The following OSBPL8 variants were observed in gnomAD, a reference collection of about 807,000 sequenced individuals.
OSBPL8 encodes oxysterol binding protein like 8, also known as oxysterol-binding protein-related protein 8.
In OSBPL8, 59 loss-of-function variants were observed where a neutral mutation model predicts 125.5. The ratio of observed to expected loss-of-function variants is 0.47; its 90% CI spans 0.38 to 0.58. The LOEUF (loss-of-function observed/expected upper bound fraction) is 0.58, where lower values mean the gene tolerates loss of function less well. Ranked by LOEUF, OSBPL8 falls within the 20% of genes least tolerant of loss-of-function variation. The probability of loss-of-function intolerance (pLI) is 0.00; values close to 1 mark genes in which losing one functional copy is unlikely to be tolerated. For synonymous variants in OSBPL8, 330 were observed against 338.9 expected (o/e 0.97, Z 0.29); for missense variants, 758 against 1,047.8 (o/e 0.72, Z 3.82).
intron 12 of OSBPL8, among the ~76,000 whole-genome samples, chr12:76,388,701 A>G (rs1953427358): frequency 6.6e-6 from 1 of 152,180 alleles, no homozygotes; most frequent in African/African-American, 2.4e-5. Flanking sequence ...CCAACTGCCC[A>G]GTAATTTCTT....
At chr12:76,490,221 A>G (rs1287414803) in intron 1 of OSBPL8, among the ~76,000 whole-genome samples, 1 of 152,240 alleles carries the variant, frequency 6.6e-6, no homozygotes, top group Non-Finnish European at 1.5e-5. Flanking sequence ...GACAGGGGAC[A>G]GAGAAATTCT....
rs527336839 is a variant in OSBPL8, at chr12:76,452,104, C to T, written c.80-1116G>A. On this transcript the variant is annotated intron_variant, in intron 3 of 23. Transcript: ENST00000261183. The stretch of plus-strand genomic sequence containing the variant: ...TGCACTCCAGCCTGGGCAACAAGAG[C>T]GAAACTCCACCTCAAAAAAAAAAGA... Among the ~76,000 whole-genome samples, 26 of 151,686 alleles carry T rather than the reference C, an allele frequency of 1.7e-4. No homozygotes were observed. The South Asian group carries it at 4.8e-3, about 28-fold the overall frequency.
At chr12:76,468,207 AT>A (rs1875694806) in intron 2 of OSBPL8, among the ~76,000 whole-genome samples, 1 of 152,058 alleles carries the variant, frequency 6.6e-6, no homozygotes, top group Admixed American at 6.5e-5. Flanking sequence ...CTCTGGCCTC[AT>A]TTCTCCTCCA....
At chr12:76,486,941 T>C (rs1310944275) in intron 2 of OSBPL8, among the ~76,000 whole-genome samples, 1 of 150,494 alleles carries the variant, frequency 6.6e-6, no homozygotes, top group Admixed American at 6.7e-5. Context: ...GAAGGATAGA[T>C]AAAATAAGAG....
chr12:76,364,106 A>G (rs1384634161), intron 21 of OSBPL8, among the ~76,000 whole-genome samples: 1 of 152,184 alleles, frequency 6.6e-6, no homozygotes, highest in Non-Finnish European at 1.5e-5. Flanking sequence ...TTCCTCAAGG[A>G]TCTAGAACTG....
At chr12:76,436,193 C>T (rs921931874) in intron 4 of OSBPL8, among the ~76,000 whole-genome samples, 1 of 152,028 alleles carries the variant, frequency 6.6e-6, no homozygotes, top group African/African-American at 2.4e-5. Flanking sequence ...ACTTACCCAC[C>T]AGAGACTCTA....
rs139665394 is a variant in OSBPL8 at position 76,427,076 on chromosome 12, T to C, written c.218-16442A>G. ...GAATGGTGGTAAAATAAATGTGGTT[T>C]AGCCAAAGATGTACCATAGTTACAC... On this transcript the variant is annotated intron_variant, in intron 4 of 23. Transcript: ENST00000261183. Among the ~76,000 whole-genome samples, 73 of 152,292 alleles carry C rather than the reference T, an allele frequency of 4.8e-4. 1 individual carries two copies. The highest frequency in any genetic ancestry group is 1.6e-3 in the African/African-American group (68 of 41,580).
At chr12:76,466,685 G>A (rs1464039043) in intron 2 of OSBPL8, among the ~76,000 whole-genome samples, 4 of 152,076 alleles carry the variant, frequency 2.6e-5, no homozygotes, top group African/African-American at 7.2e-5. Context: ...CAGGCTGGGC[G>A]CGGTGGCTCA....
At chr12:76,386,019 A>G in intron 14 of OSBPL8, 149 bp downstream of exon 14, 1 of 1,073,660 alleles carries the variant, frequency 9.3e-7, no homozygotes, top group Middle Eastern at 3.2e-4. Flanking sequence ...GTACTTTAGT[A>G]GTATTTAATA....
At chr12:76,372,644 T>C (rs2136203483) in intron 18 of OSBPL8, among the ~76,000 whole-genome samples, 1 of 152,318 alleles carries the variant, frequency 6.6e-6, no homozygotes, top group East Asian at 1.9e-4. Flanking sequence ...GCTTACTGCA[T>C]GCAGAAAGGA....
At chr12:76,545,666 G>A (rs950580460) in intron 1 of OSBPL8, among the ~76,000 whole-genome samples, 1 of 152,140 alleles carries the variant, frequency 6.6e-6, no homozygotes, top group Non-Finnish European at 1.5e-5. Flanking sequence ...ATGCTTCTGG[G>A]TTTTGAATTC....
chr12:76,455,603 C>T (rs186857480), intron 3 of OSBPL8, among the ~76,000 whole-genome samples: 1 of 152,238 alleles, frequency 6.6e-6, no homozygotes, highest in East Asian at 1.9e-4. Context: ...GCAGAAACAG[C>T]AGTATACAGA....
chr12:76,505,272 C>T (rs17042322), intron 1 of OSBPL8, among the ~76,000 whole-genome samples: 6,638 of 152,158 alleles, frequency 0.044, 524 homozygotes, highest in African/African-American at 0.15. Context: ...TCACCAAGTA[C>T]GCCGCTGCCA....
intron 16 of OSBPL8, among the ~76,000 whole-genome samples, chr12:76,376,124 C>A (rs1952810808): frequency 6.6e-6 from 1 of 152,208 alleles, no homozygotes; most frequent in South Asian, 2.1e-4. Flanking sequence ...AGCAATGGCT[C>A]AGTATTTGCT....
At chr12:76,356,581 T>A in intron 23 of OSBPL8, 45 bp downstream of exon 23, 1 of 1,227,142 alleles carries the variant, frequency 8.1e-7, no homozygotes, top group East Asian at 2.4e-5. Context: ...GATTCTTAAC[T>A]ACTCCTTGGT....
chr12:76,385,129 G>A (rs903518573), intron 14 of OSBPL8, among the ~76,000 whole-genome samples: 1 of 152,074 alleles, frequency 6.6e-6, no homozygotes, highest in Admixed American at 6.5e-5. Context: ...AGCATTTCAA[G>A]CTTCTTAATT....
chr12:76,441,104 A>G (rs1872131234), intron 4 of OSBPL8, among the ~76,000 whole-genome samples: 1 of 152,100 alleles, frequency 6.6e-6, no homozygotes, highest in Admixed American at 6.5e-5. Flanking sequence ...ATATTTCCCA[A>G]TTACAAATTA....
intron 21 of OSBPL8, among the ~76,000 whole-genome samples, chr12:76,359,592 G>A (rs560207644): frequency 6.6e-6 from 1 of 152,316 alleles, no homozygotes. Flanking sequence ...TTATGCTCCT[G>A]ATAAAGACAT....
intron 10 of OSBPL8, among the ~76,000 whole-genome samples, chr12:76,391,830 G>A (rs898933699): frequency 6.6e-6 from 1 of 152,012 alleles, no homozygotes; most frequent in East Asian, 1.9e-4. Flanking sequence ...GGGAAGAAAT[G>A]TCTAAATCAG....
Sources: gnomAD v4.1 joint callset for allele counts (sites outside exome capture counted in the v4.1 genomes callset) on GRCh38, gnomAD v4.1.1 for gene constraint, MANE v1.5 for transcripts, NCBI Gene and HGNC (gene_info 2026-07-23, HGNC 2026-07-21) for gene names.